The following NARS2 variants were observed in gnomAD, a reference collection of about 807,000 sequenced individuals.
NARS2 encodes asparaginyl-tRNA synthetase 2, mitochondrial.
NARS2 carries 60 observed loss-of-function variants against 62.9 expected under a neutral mutation model. The ratio of observed to expected loss-of-function variants is 0.95; its 90% CI spans 0.77 to 1.18. NARS2 has a LOEUF of 1.18. Ranked by LOEUF, NARS2 falls within the 50% of genes most tolerant of loss-of-function variation. The probability of loss-of-function intolerance (pLI) is 0.00; values close to 1 mark genes in which losing one functional copy is unlikely to be tolerated. For synonymous variants in NARS2, 196 were observed against 200.0 expected, an observed-to-expected ratio of 0.98 and a Z score of 0.17; for missense variants, 619 against 576.4, an observed-to-expected ratio of 1.07 and a Z score of -0.76.
chr11:78,517,546 A>G (rs1860959764), intron 6 of NARS2, among the ~76,000 whole-genome samples: 1 of 151,948 alleles, frequency 6.6e-6, no homozygotes. Context: ...ATGTTCAACC[A>G]TTTTTTCCAT....
intron 6 of NARS2, among the ~76,000 whole-genome samples, chr11:78,497,597 T>G (rs1860116257): frequency 6.6e-6 from 1 of 152,232 alleles, no homozygotes; most frequent in South Asian, 2.1e-4. Context: ...TAAAAGTTTT[T>G]GCCAAGTGCT....
intron 6 of NARS2, among the ~76,000 whole-genome samples, chr11:78,503,045 C>A (rs1385824855): frequency 2.7e-5 from 4 of 148,884 alleles, no homozygotes; most frequent in Admixed American, 1.3e-4. Flanking sequence ...AAGCACTTTA[C>A]ACACATTTCA....
intron 11 of NARS2, among the ~76,000 whole-genome samples, chr11:78,462,088 T>TA (rs1858422191): frequency 6.6e-6 from 1 of 152,164 alleles, no homozygotes; most frequent in Admixed American, 6.5e-5. Flanking sequence ...CAGAAAAATC[T>TA]TTATAGAGAA....
In NARS2 at chr11:78,513,944, A is replaced by C. The variant is rs1265074199; in HGVS notation, c.689+14898T>G. Among the ~76,000 whole-genome samples, 5 of 150,838 alleles carry C rather than the reference A, an allele frequency of 3.3e-5. No homozygotes were observed. The East Asian group carries it at 9.8e-4, about 30-fold the overall frequency. On this transcript the variant is annotated intron_variant, in intron 6 of 13. Coordinates refer to ENST00000281038, the MANE Select transcript of NARS2 (RefSeq NM_024678.6). ...GTGATCATTTAAAAGTATGTGACAC[A>C]CCCCCCTACACACACACTTGCTCCC...
intron 6 of NARS2, among the ~76,000 whole-genome samples, chr11:78,506,403 T>C (rs1336621632): frequency 6.6e-6 from 1 of 152,154 alleles, no homozygotes; most frequent in Admixed American, 6.5e-5. Context: ...ATCATCACAA[T>C]AGCTCCACAC....
At chr11:78,486,810 T>G (rs2135298878) in intron 7 of NARS2, among the ~76,000 whole-genome samples, 1 of 152,250 alleles carries the variant, frequency 6.6e-6, no homozygotes, top group East Asian at 1.9e-4. Context: ...ATACTGGAAT[T>G]ATCTGACAAT....
intron 9 of NARS2, among the ~76,000 whole-genome samples, chr11:78,474,157 CA>C (rs1256690505): frequency 6.6e-6 from 1 of 152,044 alleles, no homozygotes; most frequent in East Asian, 1.9e-4. Context: ...AGAGTGTTTT[CA>C]AATTACCTAG....
intron 11 of NARS2, among the ~76,000 whole-genome samples, chr11:78,452,541 T>G (rs1238497680): frequency 6.6e-6 from 1 of 152,090 alleles, no homozygotes; most frequent in African/African-American, 2.4e-5. Context: ...TCTGAGTAGC[T>G]AAGATTACAG....
intron 7 of NARS2, among the ~76,000 whole-genome samples, chr11:78,485,255 G>A (rs1453490158): frequency 6.6e-6 from 1 of 152,146 alleles, no homozygotes; most frequent in African/African-American, 2.4e-5. Flanking sequence ...GACAAGGGGA[G>A]GGAGAGCATT....
intron 6 of NARS2, 53 bp from the exon 7 acceptor site, chr11:78,493,248 G>A: frequency 1.4e-6 from 2 of 1,474,362 alleles, no homozygotes; most frequent in Non-Finnish European, 1.8e-6. Flanking sequence ...TTAATTTTAA[G>A]TATTTAAATA....
intron 6 of NARS2, among the ~76,000 whole-genome samples, chr11:78,520,456 T>G (rs1861073386): frequency 6.6e-6 from 1 of 152,224 alleles, no homozygotes; most frequent in African/African-American, 2.4e-5. Context: ...TAATCCAGTA[T>G]GACATCATCT....
intron 7 of NARS2, among the ~76,000 whole-genome samples, chr11:78,481,729 A>G (rs879669629): frequency 1.2e-4 from 18 of 152,214 alleles, no homozygotes; most frequent in Admixed American, 2.6e-4. Flanking sequence ...CTTATAGCTC[A>G]TAAGGGGAAA....
intron 7 of NARS2, among the ~76,000 whole-genome samples, chr11:78,481,363 A>T (rs1230673654): frequency 6.6e-6 from 1 of 152,196 alleles, no homozygotes; most frequent in Non-Finnish European, 1.5e-5. Flanking sequence ...TAAATAAATT[A>T]CTAAGTAACA....
At chr11:78,544,044 T>A (rs1190659275) in intron 5 of NARS2, among the ~76,000 whole-genome samples, 1 of 76,206 alleles carries the variant, frequency 1.3e-5, no homozygotes, top group Non-Finnish European at 3.2e-5. Context: ...AAAAAAACTC[T>A]CTCTCACTCT....
chr11:78,509,826 C>CAAAAAAAAAAA (rs71046976), intron 6 of NARS2, among the ~76,000 whole-genome samples: 2 of 116,618 alleles, frequency 1.7e-5, no homozygotes, highest in Admixed American at 8.8e-5. Context: ...GACTCTGTCT[C>CAAAAAAAAAAA]AAAAAAAAAA....
At chr11:78,457,060 G>A (rs556558897) in intron 11 of NARS2, among the ~76,000 whole-genome samples, 1 of 152,342 alleles carries the variant, frequency 6.6e-6, no homozygotes, top group East Asian at 1.9e-4. Flanking sequence ...GAGGCTGAAA[G>A]ATCACAGAGA....
intron 5 of NARS2, among the ~76,000 whole-genome samples, chr11:78,553,153 C>G (rs1330761502): frequency 6.6e-6 from 1 of 152,064 alleles, no homozygotes; most frequent in African/African-American, 2.4e-5. Flanking sequence ...TCGCCACTGA[C>G]TGGTGTGAGA....
intron 5 of NARS2, among the ~76,000 whole-genome samples, chr11:78,536,616 G>A (rs1025683592): frequency 4.6e-5 from 7 of 151,886 alleles, no homozygotes; most frequent in Admixed American, 3.9e-4. Flanking sequence ...CTCATACAAC[G>A]TGTTTTAAGT....
At chr11:78,548,125 G>A (rs965415908) in intron 5 of NARS2, among the ~76,000 whole-genome samples, 1 of 152,164 alleles carries the variant, frequency 6.6e-6, no homozygotes, top group African/African-American at 2.4e-5. Context: ...TGAGGTGGGA[G>A]GACTGCTTGA....
Sources: gnomAD v4.1 joint callset for allele counts (sites outside exome capture counted in the v4.1 genomes callset) on GRCh38, gnomAD v4.1.1 for gene constraint, MANE v1.5 for transcripts, NCBI Gene and HGNC (gene_info 2026-07-23, HGNC 2026-07-21) for gene names.